Variants in PLK4 observed in about 807,000 individuals in gnomAD.
PLK4 encodes the protein serine/threonine-protein kinase PLK4.
In PLK4, 51 loss-of-function variants were observed where a neutral mutation model predicts 103.0. The ratio of observed to expected loss-of-function variants is 0.50; its 90% CI spans 0.40 to 0.63. The LOEUF is 0.63. PLK4 is among the 20% of genes least tolerant of loss of function. The probability of loss-of-function intolerance (pLI) is 0.00; values close to 1 mark genes in which losing one functional copy is unlikely to be tolerated. For missense variants in PLK4, 1,054 were observed against 1,151.0 expected (o/e 0.92, Z 1.22); for synonymous variants, 389 against 376.8 (o/e 1.03, Z -0.38).
intron 4 of PLK4, among the ~76,000 whole-genome samples, chr4:127,885,410 C>T (rs1041702741): frequency 1.4e-5 from 2 of 138,744 alleles, no homozygotes; most frequent in African/African-American, 2.7e-5. Flanking sequence ...ACCCGGGAGG[C>T]GGAGCTTGCT....
chr4:127,895,470 T>TC (rs1188255581), intron 14 of PLK4, among the ~76,000 whole-genome samples: 4 of 137,362 alleles, frequency 2.9e-5, no homozygotes, highest in Admixed American at 7.1e-5. Flanking sequence ...TTTTTTTTTT[T>TC]TTTTTTTTTT....
chr4:127,898,369 T>C (rs1735655606), intron 15 of PLK4, 70 bp from the exon 16 acceptor site: 5 of 731,244 alleles, frequency 6.8e-6, no homozygotes, highest in African/African-American at 3.6e-5. Context: ...TATAATGTGC[T>C]TTTTGGGACT....
chr4:127,895,114 T>C (rs375543605), intron 14 of PLK4, 21 bp downstream of exon 14: 1 of 1,513,984 alleles, frequency 6.6e-7, no homozygotes, highest in African/African-American at 1.4e-5. Context: ...TCTAGTACAG[T>C]GCATTTTCTC....
intron 5 of PLK4, among the ~76,000 whole-genome samples, chr4:127,887,154 T>C (rs1735167462): frequency 1.3e-5 from 2 of 152,270 alleles, no homozygotes; most frequent in African/African-American, 4.8e-5. Flanking sequence ...TTTTGTGATT[T>C]TTATGCTTAA....
rs1323799798 is a variant in PLK4 at position 127,891,733 on chromosome 4, A to G, written c.2038+52A>G. The stretch of plus-strand genomic sequence containing the variant: ...TTTGATAGTAGATTTATATGTATAT[A>G]CGTATAAACTCTATATATAGATATA... On this transcript the variant is annotated intron_variant, in intron 9 of 15. Transcript: ENST00000270861. 6 of 613,298 alleles carry G rather than the reference A, an allele frequency of 9.8e-6. No homozygotes were observed. In the East Asian group the frequency reaches 1.7e-4, roughly 18 times the overall value. 38.0% of individuals were successfully genotyped at this position (613,298 alleles called of 1,614,324 possible). A position where few individuals can be genotyped will look rare whatever the true frequency, so the allele number is the denominator to read the frequency against.
At position 127,891,202 on chromosome 4, in the gene PLK4, G is replaced by A. The variant is rs56414190; in HGVS notation, c.1935+6G>A. On this transcript the variant is annotated splice_donor_region_variant and intron_variant, in intron 8 of 15. Coordinates refer to ENST00000270861, the MANE Select transcript of PLK4 (RefSeq NM_014264.5). ...TATCTAGTGATGGAAATACGGTAAT[G>A]TGTAGTTACTTTATTACCTTGCAAC... The A allele has an allele frequency of 1.1e-4, 144 of 1,340,316 alleles. No individual in the cohort carries two copies. The highest frequency in any genetic ancestry group is 2.8e-4 in the East Asian group (12 of 43,058). 83.0% of individuals were successfully genotyped at this position (1,340,316 alleles called of 1,614,324 possible).
At chr4:127,882,684 G>C (rs377729841) in intron 2 of PLK4, among the ~76,000 whole-genome samples, 46 of 152,252 alleles carry the variant, frequency 3.0e-4, no homozygotes, top group African/African-American at 1.0e-3. Flanking sequence ...CTTGAACCCG[G>C]GAGGCAGAGG....
intron 4 of PLK4, among the ~76,000 whole-genome samples, chr4:127,885,161 A>G (rs1735070395): frequency 6.6e-6 from 1 of 152,096 alleles, no homozygotes; most frequent in Admixed American, 6.5e-5. Context: ...ACGAAGATTA[A>G]AAGGAATGCC....
rs114992412 is a variant in PLK4, at chr4:127,887,695, G to T, written c.1459+199G>T. 3.1e-3 allele frequency among the ~76,000 whole-genome samples: 473 copies of T among 151,844 alleles called. 4 individuals are homozygous for T. The highest frequency in any genetic ancestry group is 0.011 in the African/African-American group (457 of 41,400). ...AGTTCAAGACCAGTTTGGGCACATA[G>T]CAAGACCCTGTATCTACAAAAAATA... is the stretch of plus-strand genomic sequence containing the variant. On this transcript the variant is annotated intron_variant, in intron 6 of 15. Transcript: ENST00000270861.
At position 127,899,037 on chromosome 4, in the gene PLK4, GC is replaced by G. The variant is rs1337649040; in HGVS notation, c.*497del. On this transcript the variant is annotated 3_prime_UTR_variant, in exon 16 of 16. Transcript: ENST00000270861. ...TGTCTGATGAAACATTTTTGCAAAT[GC>G]ATTTTATAAAAAAATAAATATAGTG... 1.3e-5 allele frequency: 2 copies of G among 152,278 alleles called. No individual in the cohort carries two copies. Among genetic ancestry groups the G allele is most frequent in the Admixed American group, 1.3e-4 (2 of 15,260 alleles). The allele number at this position is 152,278 out of a possible 1,614,324, so 9.4% of individuals were successfully genotyped here. A position where few individuals can be genotyped will look rare whatever the true frequency, so the allele number is the denominator to read the frequency against.
intron 1 of PLK4, chr4:127,881,517 A>T (rs1035553368): frequency 1.2e-6 from 1 of 816,262 alleles, no homozygotes; most frequent in African/African-American, 1.7e-5. Flanking sequence ...CTGCGGCGGG[A>T]TTCTGACCGA....
chr4:127,895,817 T>G (rs192732528), intron 14 of PLK4, among the ~76,000 whole-genome samples: 12 of 152,290 alleles, frequency 7.9e-5, no homozygotes, highest in South Asian at 6.2e-4. Context: ...TAGTCCCAGT[T>G]ACTCAAGAAT....
intron 7 of PLK4, 27 bp from the exon 8 acceptor site, chr4:127,891,065 C>A: frequency 8.1e-7 from 1 of 1,242,058 alleles, no homozygotes; most frequent in South Asian, 1.4e-5. Flanking sequence ...AGAATTATTA[C>A]TGATTTTGGG....
Position 127,886,662 on chromosome 4 carries a change from A to G in PLK4, c.1292A>G (p.Asn431Ser). ...ACAGACAACAATGCCAACATTTTTA[A>G]CTTCTTTAAAGAAAAGACATCCAGT... ...SPTDNNANIF[N>S]FFKEKTSSSS... The change falls in exon 5 of 16, where the codon AAC becomes AGC. Residue 431 changes from asparagine (N) to serine (S), a missense_variant. By Grantham distance (46) the Asn-to-Ser change is conservative. Transcript: ENST00000270861. The G allele has an allele frequency of 1.2e-6, 2 of 1,613,394 alleles. No individual in the cohort carries two copies. The highest frequency in any genetic ancestry group is 2.2e-5 in the South Asian group (2 of 91,014).
At chr4:127,894,848 TA>T (rs1735502136) in intron 13 of PLK4, 104 bp from the exon 14 acceptor site, 8 of 721,882 alleles carry the variant, frequency 1.1e-5, no homozygotes, top group Non-Finnish European at 1.6e-5. Flanking sequence ...TGTTTGTTTT[TA>T]AAAAAATTAA....
intron 10 of PLK4, 22 bp downstream of exon 10, chr4:127,892,536 T>C (rs1216263482): frequency 6.3e-7 from 1 of 1,587,998 alleles, no homozygotes; most frequent in Non-Finnish European, 8.6e-7. Flanking sequence ...TTGGAAATGG[T>C]AATTTGTTCC....
intron 1 of PLK4, 54 bp downstream of exon 1, chr4:127,881,218 C>A (rs1734904232): frequency 6.2e-7 from 1 of 1,612,254 alleles, no homozygotes; most frequent in Admixed American, 1.7e-5. Context: ...TGTGGGAGGA[C>A]ACGAGACCGC....
chr4:127,892,321 G>A (rs201232011), intron 9 of PLK4, 44 bp from the exon 10 acceptor site: 54 of 1,285,618 alleles, frequency 4.2e-5, no homozygotes, highest in Non-Finnish European at 1.8e-5. Context: ...CTGTATGTCA[G>A]GTCAACACTT....
chr4:127,895,006 CTCT>C lies in PLK4; in HGVS notation c.2620_2622del (p.Ser874del). 1 of 1,604,662 alleles carries C rather than the reference CTCT, an allele frequency of 6.2e-7. No individual in the cohort carries two copies. The stretch of plus-strand genomic sequence containing the variant: ...CAACTACAGCTTCTGGAACAGACAT[CTCT>C]TCTAATAGTCTAAAAGATTGTCTTC... On this transcript the variant is annotated inframe_deletion, in exon 14 of 16. Coordinates refer to ENST00000270861, the MANE Select transcript of PLK4 (RefSeq NM_014264.5).
Sources: allele counts gnomAD v4.1 joint callset (sites outside exome capture counted in the v4.1 genomes callset), GRCh38; gene constraint gnomAD v4.1.1; transcripts MANE v1.5; gene names NCBI Gene and HGNC (gene_info 2026-07-23, HGNC 2026-07-21).